Variants in DCLK1 observed in about 807,000 individuals in gnomAD.
DCLK1 encodes serine/threonine-protein kinase DCLK1.
DCLK1 carries 16 observed loss-of-function variants against 86.2 expected under a neutral mutation model. The observed-to-expected ratio is 0.19, with a 90% confidence interval of 0.13 to 0.28. The LOEUF (loss-of-function observed/expected upper bound fraction) is 0.28. Among genes scored for constraint, DCLK1 ranks in the 10% least tolerant of loss-of-function variants. The probability of loss-of-function intolerance (pLI) is 1.00; values close to 1 mark genes in which losing one functional copy is unlikely to be tolerated. For synonymous variants in DCLK1, 369 were observed against 370.5 expected (o/e 1.00, Z 0.05); for missense variants, 590 against 940.2 (o/e 0.63, Z 4.87).
At chr13:36,103,404 T>TAAA (rs71084406) in intron 3 of DCLK1, among the ~76,000 whole-genome samples, 1,489 of 108,988 alleles carry the variant, frequency 0.014, 34 homozygotes, top group African/African-American at 0.047. Context: ...ACACCTGTCT[T>TAAA]AAAAAAAAAA....
chr13:35,809,185 C>A, intron 12 of DCLK1, 90 bp from the exon 13 acceptor site: 2 of 1,024,410 alleles, frequency 2.0e-6, no homozygotes, highest in South Asian at 1.9e-5. Context: ...TCCTCCAAGC[C>A]AAAAATAAAA....
intron 3 of DCLK1, among the ~76,000 whole-genome samples, chr13:36,055,590 T>G (rs1883272950): frequency 1.3e-5 from 2 of 152,228 alleles, no homozygotes; most frequent in African/African-American, 4.8e-5. Context: ...AGAACACCAC[T>G]GTACTGCTGT....
chr13:36,054,855 CACA>C (rs1364518218), intron 3 of DCLK1, among the ~76,000 whole-genome samples: 1 of 152,136 alleles, frequency 6.6e-6, no homozygotes, highest in Non-Finnish European at 1.5e-5. Flanking sequence ...GGACTTGTTA[CACA>C]ACTAGTTACA....
At chr13:35,951,487 A>G (rs1400477753) in intron 3 of DCLK1, among the ~76,000 whole-genome samples, 1 of 150,120 alleles carries the variant, frequency 6.7e-6, no homozygotes, top group African/African-American at 2.5e-5. Flanking sequence ...CCTATAGCCT[A>G]TTGCTCAGTT....
chr13:36,121,059 A>T (rs560999549), intron 2 of DCLK1, among the ~76,000 whole-genome samples: 1 of 152,348 alleles, frequency 6.6e-6, no homozygotes, highest in South Asian at 2.1e-4. Context: ...CATCTATCCA[A>T]GGATAGTCAT....
intron 4 of DCLK1, among the ~76,000 whole-genome samples, chr13:35,935,282 A>T (rs1188400260): frequency 6.6e-6 from 1 of 152,208 alleles, no homozygotes; most frequent in African/African-American, 2.4e-5. Context: ...AGGAGTCTGT[A>T]GGCAGTGGAG....
chr13:35,861,420 T>A (rs946802720), intron 5 of DCLK1, among the ~76,000 whole-genome samples: 2 of 152,124 alleles, frequency 1.3e-5, no homozygotes, highest in Non-Finnish European at 2.9e-5. Context: ...GGTTGATCCC[T>A]ACCAACCAAT....
At chr13:36,128,324 A>C (rs1886258208) in intron 1 of DCLK1, among the ~76,000 whole-genome samples, 1 of 152,130 alleles carries the variant, frequency 6.6e-6, no homozygotes, top group Admixed American at 6.5e-5. Flanking sequence ...GTGAATATGG[A>C]ATTTATCCAG....
intron 6 of DCLK1, chr13:35,850,321 C>T: frequency 2.0e-6 from 2 of 986,592 alleles, no homozygotes; most frequent in Non-Finnish European, 2.4e-6. Flanking sequence ...ACAGAAAGTA[C>T]AGAAAAATTA....
intron 4 of DCLK1, among the ~76,000 whole-genome samples, chr13:35,922,804 T>C (rs1233967518): frequency 6.6e-6 from 1 of 152,172 alleles, no homozygotes. Flanking sequence ...CTCCAAGCTA[T>C]TGGACACTTT....
chr13:35,857,632 C>T (rs1367126560), intron 5 of DCLK1, among the ~76,000 whole-genome samples: 1 of 152,204 alleles, frequency 6.6e-6, no homozygotes, highest in Non-Finnish European at 1.5e-5. Context: ...TTCTTTTAAA[C>T]TAAGAAGACA....
intron 15 of DCLK1, among the ~76,000 whole-genome samples, chr13:35,797,460 T>C (rs2086835223): frequency 6.6e-6 from 1 of 152,186 alleles, no homozygotes; most frequent in South Asian, 2.1e-4. Flanking sequence ...TTTCAGATAC[T>C]GGGGCCTGGA....
At chr13:35,902,094 T>C (rs548954440) in intron 4 of DCLK1, among the ~76,000 whole-genome samples, 2 of 152,322 alleles carry the variant, frequency 1.3e-5, no homozygotes, top group East Asian at 1.9e-4. Flanking sequence ...ACAGGAAGTA[T>C]TTAATATTAG....
At chr13:36,071,914 G>A (rs1763013290) in intron 3 of DCLK1, among the ~76,000 whole-genome samples, 1 of 152,070 alleles carries the variant, frequency 6.6e-6, no homozygotes, top group South Asian at 2.1e-4. Context: ...ATCAAAACTG[G>A]AAAAATATCA....
At chr13:35,912,570 A>G (rs1875108270) in intron 4 of DCLK1, among the ~76,000 whole-genome samples, 1 of 152,106 alleles carries the variant, frequency 6.6e-6, no homozygotes, top group Admixed American at 6.6e-5. Flanking sequence ...ACCGGACTTC[A>G]GGGAAGATTA....
chr13:35,789,474 C>G (rs182685344), intron 16 of DCLK1, among the ~76,000 whole-genome samples: 79 of 152,258 alleles, frequency 5.2e-4, no homozygotes, highest in African/African-American at 1.8e-3. Context: ...GTATGCTTGG[C>G]CACAAAGACA....
chr13:36,052,839 T>C (rs1168597438), intron 3 of DCLK1, among the ~76,000 whole-genome samples: 1 of 152,194 alleles, frequency 6.6e-6, no homozygotes, highest in Non-Finnish European at 1.5e-5. Context: ...GAGACGTCTA[T>C]GAACCCCTAG....
In DCLK1 at chr13:36,131,250, C is replaced by T; in HGVS notation, c.-156G>A. ...GGGGCGGCGGCGGGGCCGGGCTGGG[C>T]GGCAGCAGCTGCTGGAGCGCGGCGC... On this transcript the variant is annotated 5_prime_UTR_variant, in exon 1 of 17. Transcript: ENST00000360631. 6.5e-6 allele frequency: 1 copy of T among 154,796 alleles called. No homozygotes were observed. Among genetic ancestry groups the T allele is most frequent in the Non-Finnish European group, 1.4e-5 (1 of 70,136 alleles). The allele number at this position is 154,796 out of a possible 1,614,324, so 9.6% of individuals were successfully genotyped here.
chr13:35,888,645 G>T (rs559822242), intron 4 of DCLK1, among the ~76,000 whole-genome samples: 4 of 152,188 alleles, frequency 2.6e-5, no homozygotes, highest in Non-Finnish European at 4.4e-5. Context: ...TCAATGAAAA[G>T]GATCTGGTTA....
Sources: gnomAD v4.1 joint callset for allele counts (sites outside exome capture counted in the v4.1 genomes callset) on GRCh38, gnomAD v4.1.1 for gene constraint, MANE v1.5 for transcripts, NCBI Gene and HGNC (gene_info 2026-07-23, HGNC 2026-07-21) for gene names.